Variants in CBLB observed in about 807,000 individuals in gnomAD.
The protein encoded by CBLB is Cbl proto-oncogene B, also known as E3 ubiquitin-protein ligase CBL-B.
Under a neutral mutation model 104.9 loss-of-function variants are expected in CBLB, and 31 were observed. That is an observed-to-expected ratio of 0.30 (90% CI 0.22 to 0.40). CBLB has a LOEUF of 0.40. Ranked by LOEUF, CBLB falls within the 10% of genes least tolerant of loss-of-function variation. The pLI is 1.00. For synonymous variants in CBLB, 440 were observed against 422.6 expected, an observed-to-expected ratio of 1.04 and a Z score of -0.51; for missense variants, 1,062 against 1,214.6, an observed-to-expected ratio of 0.87 and a Z score of 1.87.
chr3:105,829,411 C>T (rs574500736), intron 3 of CBLB, among the ~76,000 whole-genome samples: 106 of 152,102 alleles, frequency 7.0e-4, no homozygotes, highest in Admixed American at 1.6e-3. Flanking sequence ...GTGATCTTGA[C>T]GCTTTGGGAG....
chr3:105,765,227 C>G (rs576898051), intron 4 of CBLB, among the ~76,000 whole-genome samples: 1 of 152,122 alleles, frequency 6.6e-6, no homozygotes, highest in Non-Finnish European at 1.5e-5. Context: ...GAAGTCAATA[C>G]CTAGCTTCAA....
At chr3:105,743,471 A>AT (rs1170436601) in intron 6 of CBLB, among the ~76,000 whole-genome samples, 1 of 150,944 alleles carries the variant, frequency 6.6e-6, no homozygotes, top group East Asian at 1.9e-4. Context: ...AAAAAAAAAA[A>AT]AAATTAAAAA....
At chr3:105,754,774 T>G (rs2076931024) in intron 4 of CBLB, among the ~76,000 whole-genome samples, 1 of 152,340 alleles carries the variant, frequency 6.6e-6, no homozygotes, top group South Asian at 2.1e-4. Context: ...TTTCAGGATC[T>G]TTTTATTTCA....
At chr3:105,722,214 AAAAAG>A (rs1559959174) in intron 9 of CBLB, among the ~76,000 whole-genome samples, 2 of 150,606 alleles carry the variant, frequency 1.3e-5, no homozygotes, top group African/African-American at 4.9e-5. Context: ...AAAAAAAAAA[AAAAAG>A]AAAAGAAAAG....
chr3:105,707,019 A>C (rs546394824), intron 10 of CBLB, among the ~76,000 whole-genome samples: 2 of 152,316 alleles, frequency 1.3e-5, no homozygotes, highest in South Asian at 4.1e-4. Context: ...GATTGGATTA[A>C]TTACTAATAT....
At chr3:105,827,493 T>C (rs192481676) in intron 3 of CBLB, among the ~76,000 whole-genome samples, 1,198 of 115,398 alleles carry the variant, frequency 0.01, 18 homozygotes, top group African/African-American at 0.04. Flanking sequence ...CCAGTGTGTA[T>C]GTGTGTGTGT....
At chr3:105,837,323 C>T (rs1489808098) in intron 3 of CBLB, among the ~76,000 whole-genome samples, 1 of 152,210 alleles carries the variant, frequency 6.6e-6, no homozygotes, top group Non-Finnish European at 1.5e-5. Context: ...CTATTCATGT[C>T]GAAAGCATAG....
chr3:105,723,456 G>A (rs903313235), intron 9 of CBLB, among the ~76,000 whole-genome samples: 2 of 152,094 alleles, frequency 1.3e-5, no homozygotes, highest in Admixed American at 6.5e-5. Context: ...AGTTATCAGT[G>A]AATACTATAC....
At chr3:105,706,137 G>A (rs1480260007) in intron 10 of CBLB, among the ~76,000 whole-genome samples, 1 of 151,890 alleles carries the variant, frequency 6.6e-6, no homozygotes, top group East Asian at 1.9e-4. Flanking sequence ...GCAAGACCCT[G>A]TCTCTAAAAA....
intron 2 of CBLB, among the ~76,000 whole-genome samples, chr3:105,854,941 A>G (rs1303897416): frequency 4.6e-5 from 7 of 152,154 alleles, no homozygotes; most frequent in Non-Finnish European, 1.5e-5. Flanking sequence ...TAAGAGTATA[A>G]TATCTTAAAC....
chr3:105,713,810 G>A (rs1203671304), intron 10 of CBLB, among the ~76,000 whole-genome samples: 3 of 152,182 alleles, frequency 2.0e-5, no homozygotes, highest in African/African-American at 4.8e-5. Flanking sequence ...TGGGAAGGCA[G>A]TGGTGAGGAC....
intron 3 of CBLB, among the ~76,000 whole-genome samples, chr3:105,803,268 G>C (rs183419225): frequency 1.3e-5 from 2 of 152,156 alleles, no homozygotes; most frequent in Non-Finnish European, 1.5e-5. Context: ...ATTTCTTTAG[G>C]CTTAGTATTT....
At chr3:105,703,848 C>A in intron 11 of CBLB, 140 bp downstream of exon 11, 1 of 745,072 alleles carries the variant, frequency 1.3e-6, no homozygotes, top group South Asian at 1.7e-5. Context: ...TGTGGGCTCA[C>A]CATAAACTAA....
intron 3 of CBLB, among the ~76,000 whole-genome samples, chr3:105,796,309 T>C (rs1404523191): frequency 1.3e-5 from 2 of 152,158 alleles, no homozygotes; most frequent in Non-Finnish European, 2.9e-5. Context: ...AACCATCTGA[T>C]CTTTGACAAA....
rs2066280107 is a variant in CBLB, at chr3:105,681,231, A to C, written c.2428+248T>G. On this transcript the variant is annotated intron_variant, in intron 16 of 18. Coordinates refer to ENST00000394030, the MANE Select transcript of CBLB (RefSeq NM_170662.5). The stretch of plus-strand genomic sequence containing the variant: ...AAGCTCTCATGTGTTTTTAGACTAC[A>C]TTTAGTATGGACAAAACAACTTGCT... 8.8e-6 allele frequency: 5 copies of C among 570,614 alleles called. No homozygotes were observed. In the East Asian group the frequency reaches 1.4e-4, roughly 16 times the overall value. The allele number at this position is 570,614 out of a possible 1,614,324, so 35.3% of individuals were successfully genotyped here.
chr3:105,686,355 C>G (rs961984847), intron 13 of CBLB, among the ~76,000 whole-genome samples: 3 of 151,928 alleles, frequency 2.0e-5, no homozygotes, highest in Admixed American at 6.6e-5. Flanking sequence ...GGACGACCAA[C>G]TAGTTTGCAA....
At chr3:105,784,169 G>C (rs1011561761) in intron 3 of CBLB, among the ~76,000 whole-genome samples, 3 of 152,004 alleles carry the variant, frequency 2.0e-5, no homozygotes, top group African/African-American at 7.2e-5. Context: ...AACTTCTTTT[G>C]ATGAAACCTA....
At chr3:105,805,968 A>G (rs377132702) in intron 3 of CBLB, among the ~76,000 whole-genome samples, 10 of 151,986 alleles carry the variant, frequency 6.6e-5, no homozygotes, top group African/African-American at 2.4e-4. Context: ...ATTACTCTTA[A>G]GGATAGGAAG....
At chr3:105,804,948 T>C (rs952356046) in intron 3 of CBLB, among the ~76,000 whole-genome samples, 4 of 152,170 alleles carry the variant, frequency 2.6e-5, no homozygotes, top group Non-Finnish European at 5.9e-5. Flanking sequence ...AGCAACATTA[T>C]ATTTATCAGT....
Sources: allele counts gnomAD v4.1 joint callset (sites outside exome capture counted in the v4.1 genomes callset), GRCh38; gene constraint gnomAD v4.1.1; transcripts MANE v1.5; gene names NCBI Gene and HGNC (gene_info 2026-07-23, HGNC 2026-07-21).